Variants in BCL2A1 observed in about 807,000 individuals in gnomAD.
BCL2A1 encodes the protein bcl-2-related protein A1.
Under a neutral mutation model 14.4 loss-of-function variants are expected in BCL2A1, and 10 were observed. That is an observed-to-expected ratio of 0.69 (90% CI 0.43 to 1.18). The LOEUF is 1.18. Ranked by LOEUF, BCL2A1 falls within the 50% of genes most tolerant of loss-of-function variation. BCL2A1 has a pLI of 0.00. For synonymous variants in BCL2A1, 71 were observed against 76.5 expected (o/e 0.93, Z 0.38); for missense variants, 158 against 205.0 (o/e 0.77, Z 1.40).
At chr15:79,970,203 T>C (rs1346860694) in intron 1 of BCL2A1, among the ~76,000 whole-genome samples, 3 of 152,148 alleles carry the variant, frequency 2.0e-5, no homozygotes, top group Admixed American at 6.5e-5. Context: ...CTATTTATTA[T>C]GTATTAGTAA....
At chr15:79,964,918 C>A (rs1251332668) in intron 1 of BCL2A1, among the ~76,000 whole-genome samples, 1 of 152,030 alleles carries the variant, frequency 6.6e-6, no homozygotes, top group Non-Finnish European at 1.5e-5. Flanking sequence ...AGTGCAAAGG[C>A]CTTGAGGGTG....
intron 1 of BCL2A1, chr15:79,967,554 T>A (rs1596127251): frequency 7.0e-7 from 1 of 1,434,724 alleles, no homozygotes; most frequent in African/African-American, 1.4e-5. Flanking sequence ...ATAAAGTCTC[T>A]GGGCAATTTT....
intron 1 of BCL2A1, among the ~76,000 whole-genome samples, chr15:79,961,729 C>A (rs1207197457): frequency 3.3e-5 from 5 of 152,084 alleles, no homozygotes; most frequent in Non-Finnish European, 7.4e-5. Flanking sequence ...AAACTAATAC[C>A]TTTGAAGCTA....
intron 1 of BCL2A1, among the ~76,000 whole-genome samples, chr15:79,964,631 A>G (rs1264808067): frequency 1.3e-5 from 2 of 152,246 alleles, no homozygotes; most frequent in Non-Finnish European, 2.9e-5. Flanking sequence ...GAAAGCATAC[A>G]GGATCCCTGC....
intron 1 of BCL2A1, among the ~76,000 whole-genome samples, chr15:79,961,583 G>A (rs943961141): frequency 6.6e-6 from 1 of 152,080 alleles, no homozygotes; most frequent in Non-Finnish European, 1.5e-5. Context: ...CTAGAGGATA[G>A]AAAGCCTTTT....
At chr15:79,967,765 A>G in intron 1 of BCL2A1, 1 of 1,007,226 alleles carries the variant, frequency 9.9e-7, no homozygotes, top group Non-Finnish European at 1.5e-6. Context: ...AAAGATGATA[A>G]CAGTTTTCCA....
At chr15:79,962,440 C>T (rs563894549) in intron 1 of BCL2A1, among the ~76,000 whole-genome samples, 52 of 152,260 alleles carry the variant, frequency 3.4e-4, no homozygotes, top group African/African-American at 1.3e-3. Flanking sequence ...CCTGCCAGTA[C>T]ATACTCATAG....
chr15:79,962,094 C>T (rs1778592696), intron 1 of BCL2A1, among the ~76,000 whole-genome samples: 1 of 152,136 alleles, frequency 6.6e-6, no homozygotes, highest in Non-Finnish European at 1.5e-5. Flanking sequence ...GGTCATCTGG[C>T]AAACATTTAC....
chr15:79,964,561 T>G (rs142152539), intron 1 of BCL2A1, among the ~76,000 whole-genome samples: 102 of 152,344 alleles, frequency 6.7e-4, no homozygotes, highest in Non-Finnish European at 3.4e-4. Context: ...TCAGGAAATA[T>G]TCATTGAGCA....
intron 1 of BCL2A1, among the ~76,000 whole-genome samples, chr15:79,968,495 C>G (rs2035565060): frequency 6.6e-6 from 1 of 152,156 alleles, no homozygotes; most frequent in Non-Finnish European, 1.5e-5. Context: ...GCAGTAAGCT[C>G]TATCATGCAG....
At chr15:79,962,795 C>G (rs1227139081) in intron 1 of BCL2A1, among the ~76,000 whole-genome samples, 4 of 151,936 alleles carry the variant, frequency 2.6e-5, no homozygotes, top group Admixed American at 6.6e-5. Flanking sequence ...ATCCACTCAC[C>G]TCGGCCTCAC....
At chr15:79,962,709 G>C (rs547080120) in intron 1 of BCL2A1, among the ~76,000 whole-genome samples, 1 of 151,388 alleles carries the variant, frequency 6.6e-6, no homozygotes, top group African/African-American at 2.4e-5. Flanking sequence ...CACCATGCCC[G>C]GCTAATTTTT....
At chr15:79,961,238 C>T in intron 1 of BCL2A1, 64 bp from the exon 2 acceptor site, 2 of 1,465,114 alleles carry the variant, frequency 1.4e-6, no homozygotes, top group Non-Finnish European at 1.9e-6. Context: ...GAATAAAAAG[C>T]AAAAATATTT....
intron 1 of BCL2A1, among the ~76,000 whole-genome samples, chr15:79,964,208 G>T (rs760036491): frequency 9.2e-5 from 14 of 152,188 alleles, no homozygotes; most frequent in Non-Finnish European, 1.9e-4. Flanking sequence ...TGGGAATGGT[G>T]ATAGTTTGTT....
intron 1 of BCL2A1, among the ~76,000 whole-genome samples, chr15:79,963,229 C>T (rs1353534229): frequency 6.6e-6 from 1 of 152,126 alleles, no homozygotes; most frequent in Non-Finnish European, 1.5e-5. Context: ...ACCTCATGAT[C>T]CACCCGCCTC....
chr15:79,969,869 G>A (rs767012023), intron 1 of BCL2A1, among the ~76,000 whole-genome samples: 13 of 152,106 alleles, frequency 8.5e-5, no homozygotes, highest in Non-Finnish European at 1.3e-4. Flanking sequence ...GGTGAAGGCC[G>A]TTGGAGAGAG....
intron 1 of BCL2A1, among the ~76,000 whole-genome samples, chr15:79,961,973 G>A (rs1161403192): frequency 2.0e-5 from 3 of 152,154 alleles, no homozygotes; most frequent in African/African-American, 7.2e-5. Context: ...TAGCCAACCC[G>A]TTGGTGCCTG....
chr15:79,967,416 A>G (rs1195685279), intron 1 of BCL2A1, among the ~76,000 whole-genome samples: 1 of 151,924 alleles, frequency 6.6e-6, no homozygotes, highest in East Asian at 1.9e-4. Context: ...GGGCTTTACC[A>G]TCTTAGCTAG....
At chr15:79,964,808 T>C (rs2035522971) in intron 1 of BCL2A1, among the ~76,000 whole-genome samples, 1 of 152,198 alleles carries the variant, frequency 6.6e-6, no homozygotes, top group Non-Finnish European at 1.5e-5. Flanking sequence ...CAAGGAAGAC[T>C]TCTCTGAGGA....
Sources: allele counts gnomAD v4.1 joint callset (sites outside exome capture counted in the v4.1 genomes callset), GRCh38; gene constraint gnomAD v4.1.1; transcripts MANE v1.5; gene names NCBI Gene and HGNC (gene_info 2026-07-23, HGNC 2026-07-21).